The following PJVK variants were observed in gnomAD, a reference collection of about 807,000 sequenced individuals.
PJVK encodes autosomal recessive deafness type 59 protein.
In PJVK, 33 loss-of-function variants were observed where a neutral mutation model predicts 37.6. The ratio of observed to expected loss-of-function variants is 0.88; its 90% CI spans 0.67 to 1.17. The LOEUF is 1.17. PJVK is among the 50% of genes most tolerant of loss of function. The pLI is 0.00. For synonymous variants in PJVK, 141 were observed against 143.5 expected, an observed-to-expected ratio of 0.98 and a Z score of 0.13; for missense variants, 410 against 413.8, an observed-to-expected ratio of 0.99 and a Z score of 0.08.
intron 5 of PJVK, 70 bp downstream of exon 5, chr2:178,458,697 T>G (rs1171235058): frequency 1.8e-6 from 2 of 1,130,782 alleles, no homozygotes; most frequent in African/African-American, 3.1e-5. Flanking sequence ...GCATGTGCTC[T>G]CTCTCTCTCT....
rs373896401 is a variant in PJVK, at chr2:178,460,436, A to G, written c.756A>G (p.Leu252=). 21 of 1,613,698 alleles carry G rather than the reference A, an allele frequency of 1.3e-5. No homozygotes were observed. Among genetic ancestry groups the G allele is most frequent in the Non-Finnish European group, 1.6e-5 (19 of 1,179,680 alleles). ...FALLYRLRNI[L]FERNRRVMDV... ...TGCTGTACAGGTTGAGAAATATCCT[A>G]TTTGAAAGAAGTATGTTTATTGAAG... Residue 252 remains leucine, a synonymous_variant, in exon 6 of 7, where the codon CTA becomes CTG. Coordinates refer to ENST00000644580, the MANE Select transcript of PJVK (RefSeq NM_001042702.5).
chr2:178,452,474 GTTTT>G, intron 1 of PJVK: 10 of 985,196 alleles, frequency 1.0e-5, no homozygotes, highest in Non-Finnish European at 1.2e-5. Flanking sequence ...ATCCATCACT[GTTTT>G]AATGGATATC....
chr2:178,460,446 A>C lies in PJVK; in HGVS notation c.766A>C (p.Asn256His), dbSNP rs727502958. The change falls in exon 6 of 7, where the codon AAT becomes CAT. Residue 256 changes from asparagine to histidine, a missense_variant and splice_region_variant. Transcript: ENST00000644580. The part of the protein sequence containing the change: ...YRLRNILFER[N>H]RRVMDVISRS... ...GTTGAGAAATATCCTATTTGAAAGAAGTATGTTTATTGAAGAGTACTGTGA... is the reference window on the plus strand; with the variant it reads ...GTTGAGAAATATCCTATTTGAAAGACGTATGTTTATTGAAGAGTACTGTGA... The C allele has an allele frequency of 5.6e-6, 9 of 1,613,048 alleles. 1 individual carries two copies. The highest frequency in any genetic ancestry group is 1.3e-5 in the African/African-American group (1 of 74,924).
rs536141412 is a variant in PJVK, at chr2:178,461,584, C to CTTTTTTTTTTTTTTTTTTTTTTTTTTTT, written c.*328_*329insTTTTTTTTTTTTTTTTTTTTTTTTTTTT. ...GATGTAGTCTATCATTTTAGTTCAC[C>CTTTTTTTTTTTTTTTTTTTTTTTTTTTT]TTTTTTTTTTTTTTTTTTGAGACAG... is the stretch of plus-strand genomic sequence containing the variant. On this transcript the variant is annotated 3_prime_UTR_variant, in exon 7 of 7. Coordinates refer to ENST00000644580, the MANE Select transcript of PJVK (RefSeq NM_001042702.5). Among the ~76,000 whole-genome samples, 1 of 122,800 alleles carries CTTTTTTTTTTTTTTTTTTTTTTTTTTTT rather than the reference C, an allele frequency of 8.1e-6. No homozygotes were observed. The highest frequency in any genetic ancestry group is 3.2e-5 in the African/African-American group (1 of 30,958). 80.6% of individuals were successfully genotyped at this position (122,800 alleles called of 152,430 possible).
rs1487590017 is a variant in PJVK, at chr2:178,461,397, T to C, written c.*123T>C. 14 of 1,079,786 alleles carry C rather than the reference T, an allele frequency of 1.3e-5. No homozygotes were observed. The highest frequency in any genetic ancestry group is 4.1e-5 in the Admixed American group (2 of 48,594). 66.9% of individuals were successfully genotyped at this position (1,079,786 alleles called of 1,614,324 possible). A position where few individuals can be genotyped will look rare whatever the true frequency, so the allele number is the denominator to read the frequency against. Reference sequence around the variant, plus strand: ...TGAGAAAAGCAAAAAGAAATTAACCTGTCTGGGTATCATATTCCCTATCTA... The same window carrying C: ...TGAGAAAAGCAAAAAGAAATTAACCCGTCTGGGTATCATATTCCCTATCTA... On this transcript the variant is annotated 3_prime_UTR_variant, in exon 7 of 7. Coordinates refer to ENST00000644580, the MANE Select transcript of PJVK (RefSeq NM_001042702.5).
chr2:178,452,606 C>T (rs1697757407), intron 1 of PJVK: 1 of 985,198 alleles, frequency 1.0e-6, no homozygotes, highest in Non-Finnish European at 1.2e-6. Context: ...TACTTAAAAA[C>T]AGGCCAGAAC....
intron 3 of PJVK, chr2:178,455,313 A>G: frequency 7.6e-7 from 1 of 1,318,226 alleles, no homozygotes; most frequent in Non-Finnish European, 1.1e-6. Context: ...ATCTATGACC[A>G]GTAACAGAAG....
At chr2:178,454,612 A>G (rs1697935194) in intron 3 of PJVK, 85 bp downstream of exon 3, 3 of 1,483,832 alleles carry the variant, frequency 2.0e-6, no homozygotes, top group Admixed American at 1.9e-5. Flanking sequence ...TGCTTAAAAC[A>G]TTGAGGTTGT....
intron 5 of PJVK, chr2:178,459,204 C>G: frequency 2.1e-6 from 1 of 472,230 alleles, no homozygotes; most frequent in Non-Finnish European, 4.4e-6. Flanking sequence ...TCTTTAAGGT[C>G]TGTTGGCCAA....
chr2:178,456,307 A>C, intron 4 of PJVK, 156 bp downstream of exon 4: 1 of 870,526 alleles, frequency 1.1e-6, no homozygotes, highest in Non-Finnish European at 1.8e-6. Context: ...TCTGTTCTAG[A>C]ATATGAAAAA....
chr2:178,454,688 A>C, intron 3 of PJVK, 161 bp downstream of exon 3: 1 of 1,470,528 alleles, frequency 6.8e-7, no homozygotes. Context: ...ACTTTGAATA[A>C]GGATAGATAT....
intron 5 of PJVK, chr2:178,459,126 T>C: frequency 2.1e-6 from 1 of 470,578 alleles, no homozygotes; most frequent in South Asian, 1.6e-5. Flanking sequence ...GTGAAAATAC[T>C]TCCTCCAAAA....
intron 1 of PJVK, chr2:178,452,537 A>G (rs567041417): frequency 2.7e-5 from 27 of 985,324 alleles, no homozygotes; most frequent in Non-Finnish European, 3.1e-5. Flanking sequence ...TGAACTCCGC[A>G]TAACACCTAT....
chr2:178,459,399 T>C, intron 5 of PJVK: 1 of 331,624 alleles, frequency 3.0e-6, no homozygotes. Context: ...ATATTTTTAA[T>C]TTTTGTGGCT....
Position 178,461,242 on chromosome 2 carries a change from T to G in PJVK, c.1027T>G (p.Cys343Gly). ...GTATGTGAGACTTCATGCAGTTCCT[T>G]GTTTTGATATTTGGCACAAGAGGAT... ...QKYVRLHAVPCFDIWHKRMK is the reference protein window; with the variant it reads ...QKYVRLHAVPGFDIWHKRMK The change falls in exon 7 of 7, where the codon TGT becomes GGT. Residue 343 changes from cysteine (C) to glycine (G), a missense_variant. By Grantham distance (159) the Cys-to-Gly change is radical. Transcript: ENST00000644580. The G allele has an allele frequency of 6.2e-7, 1 of 1,614,188 alleles. No homozygotes were observed. Among genetic ancestry groups the G allele is most frequent in the Non-Finnish European group, 8.5e-7 (1 of 1,180,022 alleles).
chr2:178,455,772 T>C (rs1399503639), intron 3 of PJVK, among the ~76,000 whole-genome samples: 3 of 152,056 alleles, frequency 2.0e-5, no homozygotes, highest in African/African-American at 7.2e-5. Context: ...ACAAATAGAG[T>C]CCCCTTCAAC....
chr2:178,456,870 A>G (rs1380259426), intron 4 of PJVK, among the ~76,000 whole-genome samples: 3 of 152,190 alleles, frequency 2.0e-5, no homozygotes, highest in African/African-American at 7.2e-5. Flanking sequence ...AGTCCCTCAT[A>G]TTACTATTTA....
intron 3 of PJVK, chr2:178,455,435 T>C: frequency 2.2e-6 from 3 of 1,369,716 alleles, no homozygotes; most frequent in South Asian, 1.2e-5. Context: ...CTAGCCCCTG[T>C]TTTTCCCTCC....
At chr2:178,454,812 C>T (rs1683918060) in intron 3 of PJVK, 2 of 1,400,912 alleles carry the variant, frequency 1.4e-6, no homozygotes, top group South Asian at 1.2e-5. Context: ...TGCAGAGAAT[C>T]ATGAGGCCCA....
Sources: gnomAD v4.1 joint callset for allele counts (sites outside exome capture counted in the v4.1 genomes callset) on GRCh38, gnomAD v4.1.1 for gene constraint, MANE v1.5 for transcripts, NCBI Gene and HGNC (gene_info 2026-07-23, HGNC 2026-07-21) for gene names.